The following GNAI1 variants were observed in gnomAD, a reference collection of about 807,000 sequenced individuals.
GNAI1 encodes the protein guanine nucleotide-binding protein G(i) subunit alpha-1.
GNAI1 carries 11 observed loss-of-function variants against 38.9 expected under a neutral mutation model. That is an observed-to-expected ratio of 0.28 (90% CI 0.18 to 0.47). The LOEUF (loss-of-function observed/expected upper bound fraction) is 0.47, where lower values mean the gene tolerates loss of function less well. GNAI1 is among the 20% of genes least tolerant of loss of function. The pLI is 0.99. For synonymous variants in GNAI1, 166 were observed against 145.1 expected, an observed-to-expected ratio of 1.14 and a Z score of -1.04; for missense variants, 317 against 436.9, an observed-to-expected ratio of 0.73 and a Z score of 2.45.
At chr7:80,166,026 T>A (rs1295320892) in intron 1 of GNAI1, among the ~76,000 whole-genome samples, 2 of 152,180 alleles carry the variant, frequency 1.3e-5, no homozygotes, top group South Asian at 4.1e-4. Context: ...TAAACCTCAG[T>A]TTTACCATTT....
chr7:80,146,222 T>C (rs1414398467), intron 1 of GNAI1, among the ~76,000 whole-genome samples: 1 of 152,074 alleles, frequency 6.6e-6, no homozygotes, highest in Non-Finnish European at 1.5e-5. Context: ...TGCCTCTCTT[T>C]TCCCTGTGTG....
At chr7:80,189,046 C>T in intron 2 of GNAI1, 44 bp from the exon 3 acceptor site, 1 of 1,599,098 alleles carries the variant, frequency 6.3e-7, no homozygotes, top group Non-Finnish European at 8.6e-7. Flanking sequence ...ACCGTTCTAC[C>T]AAAGGAAGTA....
intron 1 of GNAI1, among the ~76,000 whole-genome samples, chr7:80,169,990 C>G (rs544321298): frequency 6.9e-4 from 105 of 152,302 alleles, no homozygotes; most frequent in Admixed American, 1.8e-3. Context: ...TACATTGTCA[C>G]ATGTATCAGT....
intron 3 of GNAI1, among the ~76,000 whole-genome samples, chr7:80,192,182 G>A (rs573459561): frequency 2.7e-4 from 41 of 152,068 alleles, no homozygotes; most frequent in African/African-American, 9.2e-4. Flanking sequence ...TTTTACAATC[G>A]ATTCTCACTT....
At chr7:80,207,936 C>CA (rs1788802701) in intron 5 of GNAI1, among the ~76,000 whole-genome samples, 1 of 151,988 alleles carries the variant, frequency 6.6e-6, no homozygotes, top group South Asian at 2.1e-4. Flanking sequence ...AGATATAAAG[C>CA]ATTCTTTCTA....
At chr7:80,200,811 T>C (rs902656522) in intron 4 of GNAI1, among the ~76,000 whole-genome samples, 2 of 152,214 alleles carry the variant, frequency 1.3e-5, no homozygotes, top group African/African-American at 4.8e-5. Context: ...TATACATGTA[T>C]ATATAACATA....
intron 1 of GNAI1, among the ~76,000 whole-genome samples, chr7:80,184,300 C>A (rs879924984): frequency 6.6e-6 from 1 of 152,114 alleles, no homozygotes; most frequent in East Asian, 1.9e-4. Context: ...GTGACTCGAA[C>A]GGTTATTGTG....
intron 1 of GNAI1, among the ~76,000 whole-genome samples, chr7:80,154,680 G>A (rs1024029214): frequency 3.3e-5 from 5 of 152,164 alleles, no homozygotes; most frequent in African/African-American, 1.2e-4. Context: ...TTTATAGTTG[G>A]TTTTCTTTAT....
intron 1 of GNAI1, among the ~76,000 whole-genome samples, chr7:80,173,268 T>C (rs1788126726): frequency 6.6e-6 from 1 of 152,210 alleles, no homozygotes; most frequent in Non-Finnish European, 1.5e-5. Context: ...TATATGTCTT[T>C]TATATCTTGT....
intron 1 of GNAI1, among the ~76,000 whole-genome samples, chr7:80,169,766 A>G (rs1424602641): frequency 1.3e-5 from 2 of 152,226 alleles, no homozygotes; most frequent in South Asian, 2.1e-4. Context: ...AGCCATTACC[A>G]TAATCAATTT....
At chr7:80,164,042 T>TC (rs1403026654) in intron 1 of GNAI1, among the ~76,000 whole-genome samples, 4 of 142,090 alleles carry the variant, frequency 2.8e-5, no homozygotes, top group Non-Finnish European at 3.1e-5. Flanking sequence ...GTGCTTTCTT[T>TC]TTTTTTTTTT....
At chr7:80,169,638 GTTGATTA>G (rs1720707355) in intron 1 of GNAI1, among the ~76,000 whole-genome samples, 1 of 152,102 alleles carries the variant, frequency 6.6e-6, no homozygotes, top group South Asian at 2.1e-4. Flanking sequence ...AAATTATCTT[GTTGATTA>G]TTGATTACCA....
intron 1 of GNAI1, among the ~76,000 whole-genome samples, chr7:80,154,306 G>A: frequency 6.6e-6 from 1 of 152,260 alleles, no homozygotes; most frequent in African/African-American, 2.4e-5. Context: ...GTTTAATAGA[G>A]TTCTCACTTG....
chr7:80,225,236 A>G lies in GNAI1; in HGVS notation c.*7743A>G, dbSNP rs943975044. 6.6e-6 allele frequency among the ~76,000 whole-genome samples: 1 copy of G among 152,210 alleles called. No homozygotes were observed. The highest frequency in any genetic ancestry group is 2.4e-5 in the African/African-American group (1 of 41,454). Reference sequence around the variant, plus strand: ...AAAACCCATCTCATTTTCACTTTAAATATGTCAGCTATAATAAAAGAGAGA... The same window carrying G: ...AAAACCCATCTCATTTTCACTTTAAGTATGTCAGCTATAATAAAAGAGAGA... On this transcript the variant is annotated 3_prime_UTR_variant, in exon 8 of 8. Coordinates refer to ENST00000649796, the MANE Select transcript of GNAI1 (RefSeq NM_002069.6).
chr7:80,166,977 C>A (rs1331718131), intron 1 of GNAI1, among the ~76,000 whole-genome samples: 1 of 152,134 alleles, frequency 6.6e-6, no homozygotes, highest in Non-Finnish European at 1.5e-5. Flanking sequence ...GTCAAACAGC[C>A]TGTGAGAGCT....
intron 5 of GNAI1, among the ~76,000 whole-genome samples, chr7:80,209,479 G>A (rs571200341): frequency 6.6e-6 from 1 of 152,260 alleles, no homozygotes; most frequent in South Asian, 2.1e-4. Flanking sequence ...ATTACTTAAA[G>A]TTAACTGATT....
At chr7:80,144,735 G>A (rs1296798598) in intron 1 of GNAI1, among the ~76,000 whole-genome samples, 2 of 152,174 alleles carry the variant, frequency 1.3e-5, no homozygotes, top group Non-Finnish European at 2.9e-5. Flanking sequence ...TAAACTTACA[G>A]TTATAATCAA....
chr7:80,189,379 G>A (rs554354000), intron 3 of GNAI1, 148 bp downstream of exon 3: 24 of 678,880 alleles, frequency 3.5e-5, no homozygotes, highest in Admixed American at 2.8e-4. Context: ...AATGAGGAGC[G>A]TTAGAAGTGA....
In GNAI1 at chr7:80,189,004, T is replaced by G; in HGVS notation, c.161+11T>G. 1 of 1,607,052 alleles carries G rather than the reference T, an allele frequency of 6.2e-7. No homozygotes were observed. The highest frequency in any genetic ancestry group is 8.5e-7 in the Non-Finnish European group (1 of 1,174,164). On this transcript the variant is annotated intron_variant, in intron 2 of 7. Coordinates refer to ENST00000649796, the MANE Select transcript of GNAI1 (RefSeq NM_002069.6). ...TGTGAAGCAGATGAAGTAAGTAGAT[T>G]TAAACACCAAATTTGCTGTTTAAGT...
Sources: allele counts gnomAD v4.1 joint callset (sites outside exome capture counted in the v4.1 genomes callset), GRCh38; gene constraint gnomAD v4.1.1; transcripts MANE v1.5; gene names NCBI Gene and HGNC (gene_info 2026-07-23, HGNC 2026-07-21).